Variants in CLNK observed in about 807,000 individuals in gnomAD.
CLNK encodes the protein cytokine-dependent hematopoietic cell linker.
A neutral mutation model predicts 68.6 loss-of-function variants in CLNK; 74 were observed. The ratio of observed to expected loss-of-function variants is 1.08; its 90% CI spans 0.89 to 1.31. CLNK has a LOEUF of 1.31. CLNK is among the 50% of genes most tolerant of loss of function. The pLI is 0.00. For missense variants in CLNK, 553 were observed against 515.3 expected (o/e 1.07, Z -0.71); for synonymous variants, 198 against 172.2 (o/e 1.15, Z -1.17).
Position 10,507,967 on chromosome 4 carries a change from CCTT to C in CLNK, c.973_975del (p.Lys325del). The C allele has an allele frequency of 1.2e-6, 2 of 1,606,252 alleles. No homozygotes were observed. The highest frequency in any genetic ancestry group is 1.7e-6 in the Non-Finnish European group (2 of 1,176,034). On this transcript the variant is annotated inframe_deletion, in exon 17 of 19. Transcript: ENST00000226951. ...CACGTAGAAGGCATTACCTTGTTCT[CCTT>C]CATGAATGCCTCTTCCACTGCCTGG...
At chr4:10,648,609 G>A (rs1339738103) in intron 2 of CLNK, among the ~76,000 whole-genome samples, 4 of 152,142 alleles carry the variant, frequency 2.6e-5, no homozygotes, top group African/African-American at 7.2e-5. Flanking sequence ...AGAAGTTATA[G>A]TATTTCTTTT....
chr4:10,729,940 A>G, the CLNK span, among the ~76,000 whole-genome samples: 1 of 152,246 alleles, frequency 6.6e-6, no homozygotes, highest in Admixed American at 6.5e-5. Flanking sequence ...CAATACTTTT[A>G]CTGCCATTTG....
intron 2 of CLNK, among the ~76,000 whole-genome samples, chr4:10,627,028 G>A (rs1260612161): frequency 1.3e-5 from 2 of 152,184 alleles, no homozygotes; most frequent in Non-Finnish European, 2.9e-5. Flanking sequence ...CAAGCAATTT[G>A]CTACATCAGC....
At chr4:10,561,626 G>T (rs912034523) in intron 7 of CLNK, among the ~76,000 whole-genome samples, 2 of 152,146 alleles carry the variant, frequency 1.3e-5, no homozygotes, top group African/African-American at 4.8e-5. Flanking sequence ...TTCAGCCACT[G>T]GTCCAATCTC....
intron 2 of CLNK, among the ~76,000 whole-genome samples, chr4:10,635,069 T>C (rs1162203377): frequency 2.0e-5 from 3 of 152,236 alleles, no homozygotes; most frequent in Non-Finnish European, 4.4e-5. Flanking sequence ...ACCTGGTTTC[T>C]AGATTGATGA....
chr4:10,562,360 T>C (rs1253586778), intron 7 of CLNK, among the ~76,000 whole-genome samples: 4 of 152,158 alleles, frequency 2.6e-5, no homozygotes, highest in Non-Finnish European at 5.9e-5. Context: ...ATTGCAGCTA[T>C]TAAAATGGAA....
intron 11 of CLNK, 83 bp downstream of exon 11, chr4:10,540,411 G>T (rs182073266): frequency 8.3e-4 from 826 of 997,856 alleles, no homozygotes; most frequent in Non-Finnish European, 1.1e-3. Context: ...GCTCTGAAAG[G>T]TACTTTGTTT....
At chr4:10,686,189 C>T (rs1560279417), upstream of CLNK, among the ~76,000 whole-genome samples, 1 of 152,078 alleles carries the variant, frequency 6.6e-6, no homozygotes, top group Admixed American at 6.6e-5. Flanking sequence ...GTTTACATGG[C>T]ATTCTCCCTG....
the CLNK span, among the ~76,000 whole-genome samples, chr4:10,699,494 C>CTCTCTCTATATATATATATATATA: frequency 1.8e-5 from 1 of 56,968 alleles, no homozygotes; most frequent in African/African-American, 9.1e-5. Context: ...CTCTCTCTCT[C>CTCTCTCTATATATATATATATATA]TATATATATA....
At position 10,501,307 on chromosome 4, in the gene CLNK, G is replaced by C; in HGVS notation, c.1089C>G (p.Phe363Leu). 6.2e-7 allele frequency: 1 copy of C among 1,607,470 alleles called. No homozygotes were observed. Among genetic ancestry groups the C allele is most frequent in the Non-Finnish European group, 8.5e-7 (1 of 1,177,708 alleles). Residue 363 changes from phenylalanine to leucine, a missense_variant, in exon 18 of 19, where the codon TTC (phenylalanine) becomes TTG (leucine). Phe to Leu is a conservative substitution (Grantham distance 22). Transcript: ENST00000226951. The part of the protein sequence containing the change: ...ENKVYNVKIR[F>L]LERNQQFALG... ...GGGCAAACTGCTGATTCCTCTCCAG[G>C]AAGCGTATTTTTACATTGTAGACTT...
At chr4:10,636,381 T>C (rs190609156) in intron 2 of CLNK, among the ~76,000 whole-genome samples, 203 of 152,258 alleles carry the variant, frequency 1.3e-3, no homozygotes, top group African/African-American at 4.4e-3. Flanking sequence ...ATTGGAGTGA[T>C]GCAGCTGCAA....
the CLNK span, among the ~76,000 whole-genome samples, chr4:10,723,112 G>T: frequency 6.6e-6 from 1 of 152,056 alleles, no homozygotes; most frequent in Admixed American, 6.5e-5. Context: ...TAAATGAAGA[G>T]GGTATAGTGA....
At chr4:10,661,300 T>C (rs773584082) in intron 2 of CLNK, among the ~76,000 whole-genome samples, 2 of 152,176 alleles carry the variant, frequency 1.3e-5, no homozygotes, top group Non-Finnish European at 2.9e-5. Flanking sequence ...CTGATACACA[T>C]CACCACCTAG....
intron 16 of CLNK, among the ~76,000 whole-genome samples, chr4:10,508,855 TC>T (rs1279957486): frequency 1.3e-5 from 2 of 151,894 alleles, no homozygotes; most frequent in Non-Finnish European, 2.9e-5. Context: ...ATGCCTGTAA[TC>T]CCAGCACTTT....
chr4:10,589,122 TAAGTA>T (rs1290021021), intron 3 of CLNK, among the ~76,000 whole-genome samples: 3 of 152,206 alleles, frequency 2.0e-5, no homozygotes, highest in African/African-American at 7.2e-5. Flanking sequence ...ATCATAATAA[TAAGTA>T]AAGAGGGTGG....
the CLNK span, among the ~76,000 whole-genome samples, chr4:10,723,918 G>GAGAGAGA: frequency 2.7e-5 from 4 of 146,724 alleles, no homozygotes; most frequent in African/African-American, 1.0e-4. Flanking sequence ...GAGAGAGAGA[G>GAGAGAGA]AAGGCAGGGC....
chr4:10,716,279 G>A, the CLNK span, among the ~76,000 whole-genome samples: 1 of 152,092 alleles, frequency 6.6e-6, no homozygotes, highest in African/African-American at 2.4e-5. Context: ...AAGTAAATAG[G>A]ATAATAAATA....
At chr4:10,668,434 C>T (rs1185940681) in intron 1 of CLNK, among the ~76,000 whole-genome samples, 1 of 152,130 alleles carries the variant, frequency 6.6e-6, no homozygotes, top group East Asian at 1.9e-4. Flanking sequence ...AGCAGAGACC[C>T]TGGGAGTATT....
intron 2 of CLNK, among the ~76,000 whole-genome samples, chr4:10,632,173 C>A (rs1417602060): frequency 2.6e-5 from 4 of 152,226 alleles, no homozygotes. Flanking sequence ...AACTTCTTTT[C>A]CCCAGTTGTA....
Sources: allele counts gnomAD v4.1 joint callset (sites outside exome capture counted in the v4.1 genomes callset), GRCh38; gene constraint gnomAD v4.1.1; transcripts MANE v1.5; gene names NCBI Gene and HGNC (gene_info 2026-07-23, HGNC 2026-07-21).